The following DNAH5 variants were observed in gnomAD, a reference collection of about 807,000 sequenced individuals.
DNAH5 encodes axonemal beta dynein heavy chain 5.
In DNAH5, 372 loss-of-function variants were observed where a neutral mutation model predicts 518.2. That is an observed-to-expected ratio of 0.72 (90% CI 0.66 to 0.78). DNAH5 has a LOEUF of 0.78. Among genes scored for constraint, DNAH5 ranks in the 30% least tolerant of loss-of-function variants. The pLI, the probability that DNAH5 is intolerant of heterozygous loss-of-function variation, is 0.00. For missense variants in DNAH5, 5,523 were observed against 5,687.0 expected (o/e 0.97, Z 0.93); for synonymous variants, 2,039 against 2,025.9 (o/e 1.01, Z -0.17).
intron 67 of DNAH5, 114 bp from the exon 68 acceptor site, chr5:13,735,435 A>C: frequency 9.8e-7 from 1 of 1,016,272 alleles, no homozygotes; most frequent in East Asian, 2.6e-5. Flanking sequence ...TCTTATTTTT[A>C]CACATCAAGA....
intron 31 of DNAH5, among the ~76,000 whole-genome samples, chr5:13,849,615 GT>G (rs1156277395): frequency 6.6e-6 from 1 of 152,066 alleles, no homozygotes; most frequent in Non-Finnish European, 1.5e-5. Context: ...TCCATTTGTA[GT>G]TTTTCTCTGC....
At chr5:13,854,835 T>C (rs1473586703) in intron 30 of DNAH5, among the ~76,000 whole-genome samples, 1 of 152,220 alleles carries the variant, frequency 6.6e-6, no homozygotes. Context: ...TAAATGTATA[T>C]GCACCCGAAA....
intron 24 of DNAH5, among the ~76,000 whole-genome samples, chr5:13,870,317 C>G (rs1416677118): frequency 1.3e-5 from 2 of 152,180 alleles, no homozygotes; most frequent in Non-Finnish European, 1.5e-5. Context: ...AGATTTTTCT[C>G]AGCTGAATGT....
intron 52 of DNAH5, among the ~76,000 whole-genome samples, chr5:13,783,950 C>T (rs1306482138): frequency 6.6e-6 from 1 of 152,150 alleles, no homozygotes; most frequent in African/African-American, 2.4e-5. Flanking sequence ...GATTCTTCAG[C>T]CAATTCCAGA....
chr5:13,940,845 C>T (rs1411645937), intron 1 of DNAH5, among the ~76,000 whole-genome samples: 1 of 152,186 alleles, frequency 6.6e-6, no homozygotes, highest in Non-Finnish European at 1.5e-5. Context: ...ATAGAAAGAA[C>T]AAGTTCAGCT....
At chr5:13,821,433 CAATCTTTATAATAACATGATGGA>C (rs1009035549) in intron 40 of DNAH5, among the ~76,000 whole-genome samples, 4 of 152,114 alleles carry the variant, frequency 2.6e-5, no homozygotes, top group Non-Finnish European at 4.4e-5. Flanking sequence ...ATTCTAAGAT[CAATCTTTATAATAACATGATGGA>C]AATCTTTATA....
At chr5:13,838,082 A>T (rs1035833103) in intron 35 of DNAH5, among the ~76,000 whole-genome samples, 1 of 152,200 alleles carries the variant, frequency 6.6e-6, no homozygotes, top group Non-Finnish European at 1.5e-5. Context: ...ATGTTATGTT[A>T]TATGAATACA....
chr5:13,844,961 C>T lies in DNAH5; in HGVS notation c.5147G>A (p.Arg1716Gln). 8.7e-6 allele frequency: 14 copies of T among 1,614,004 alleles called. No homozygotes were observed. Among genetic ancestry groups the T allele is most frequent in the Non-Finnish European group, 1.2e-5 (14 of 1,179,968 alleles). ...GGCAGGATCTGAGACGAAGAAAAAC[C>T]GAGGAAAGCACAGTCGTTTTTTCTC... Reference protein sequence around the residue: ...YLEKKRLCFPRFFFVSDPALL... With the variant: ...YLEKKRLCFPQFFFVSDPALL... The change falls in exon 32 of 79, where the codon CGG becomes CAG. Residue 1716 changes from arginine to glutamine, a missense_variant. By Grantham distance (43) the Arg-to-Gln change is conservative (BLOSUM62 1). This residue lies in a region of DNAH5 where 5,121 missense variants were observed against 5,223.3 expected (regional missense o/e 0.98). Coordinates refer to ENST00000265104, the MANE Select transcript of DNAH5 (RefSeq NM_001369.3).
chr5:13,839,516 T>C lies in DNAH5; in HGVS notation c.5722A>G (p.Ile1908Val), dbSNP rs1764873017. 1.9e-6 allele frequency: 3 copies of C among 1,613,666 alleles called. No homozygotes were observed. Among genetic ancestry groups the C allele is most frequent in the African/African-American group, 1.3e-5 (1 of 74,924 alleles). ...CACTCAAAGTCCATGGGACTCTTGA[T>C]ATGCATATGACACTGAAATTCAAAA... is the stretch of plus-strand genomic sequence containing the variant. ...DIFDDLCHMH[I>V]KSPMDFEWLK... Residue 1908 changes from isoleucine (I) to valine (V), a missense_variant, in exon 35 of 79, where the codon ATC becomes GTC. Ile to Val is a conservative substitution (Grantham distance 29, BLOSUM62 3). Around this residue, in one of 3 missense-constraint regions of DNAH5, gnomAD observed 5,121 missense variants for 5,223.3 expected, o/e 0.98. Coordinates refer to ENST00000265104, the MANE Select transcript of DNAH5 (RefSeq NM_001369.3).
At position 13,721,269 on chromosome 5, in the gene DNAH5, A is replaced by G. The variant is rs17203442; in HGVS notation, c.12034-24T>C. On this transcript the variant is annotated intron_variant, in intron 70 of 78. Coordinates refer to ENST00000265104, the MANE Select transcript of DNAH5 (RefSeq NM_001369.3). ...GCCTGCCAAAAACAGTATACAAGTC[A>G]GTAAAAGTCATTCCAACTCTTTCAT... The G allele has an allele frequency of 0.13, 210,485 of 1,613,384 alleles. 15,659 individuals carry two copies. Among genetic ancestry groups the G allele is most frequent in the Non-Finnish European group, 0.15 (175,302 of 1,179,410 alleles).
chr5:13,873,584 G>T (rs1174718849), intron 22 of DNAH5, among the ~76,000 whole-genome samples: 1 of 151,852 alleles, frequency 6.6e-6, no homozygotes, highest in Non-Finnish European at 1.5e-5. Flanking sequence ...TTTTAGATTA[G>T]CCTCTTGGAT....
chr5:13,864,746 T>C, intron 27 of DNAH5, 109 bp from the exon 28 acceptor site: 3 of 1,227,590 alleles, frequency 2.4e-6, no homozygotes, highest in Admixed American at 3.5e-5. Context: ...TGAATACTTA[T>C]CCTATTTTAA....
chr5:13,778,574 GAAAGAAAGAAAGAAAGAAAGAA>G (rs1561234226), intron 53 of DNAH5, among the ~76,000 whole-genome samples: 13 of 73,072 alleles, frequency 1.8e-4, no homozygotes, highest in African/African-American at 6.3e-4. Context: ...AAGAAAGAAA[GAAAGAAAGAAAGAAAGAAAGAA>G]AGAGAGAGAG....
Position 13,721,000 on chromosome 5 carries a change from G to A in DNAH5, c.12279C>T (p.Asn4093=), listed in dbSNP as rs572468560. Residue 4093 remains asparagine, a splice_region_variant and synonymous_variant, in exon 71 of 79, where the codon AAC becomes AAT. Coordinates refer to ENST00000265104, the MANE Select transcript of DNAH5 (RefSeq NM_001369.3). ...ARKLLQQTMA[N]GGWALLQNCH... ...ACAAAAGTAGACTATTCAGCCTTACGTTCGCCATGGTCTGCTGCAAGAGCT... is the reference window on the plus strand; with the variant it reads ...ACAAAAGTAGACTATTCAGCCTTACATTCGCCATGGTCTGCTGCAAGAGCT... The A allele has an allele frequency of 1.6e-5, 26 of 1,613,998 alleles. No homozygotes were observed. The highest frequency in any genetic ancestry group is 8.9e-5 in the East Asian group (4 of 44,866).
chr5:13,841,282 C>T (rs776126694), intron 33 of DNAH5, 152 bp from the exon 34 acceptor site: 2 of 680,676 alleles, frequency 2.9e-6, no homozygotes, highest in Non-Finnish European at 5.0e-6. Context: ...TATGGAAATT[C>T]TATTTCTTAT....
rs556616232 is a variant in DNAH5, at chr5:13,695,567, G to A, written c.13724-3432C>T. The stretch of plus-strand genomic sequence containing the variant: ...TCCCAGAGGTTTGCATATACCTCAT[G>A]ACAAACAAATGTGATTCTCATACCA... On this transcript the variant is annotated intron_variant, in intron 78 of 78. Coordinates refer to ENST00000265104, the MANE Select transcript of DNAH5 (RefSeq NM_001369.3). Among the ~76,000 whole-genome samples, 10 of 152,286 alleles carry A rather than the reference G, an allele frequency of 6.6e-5. No individual in the cohort carries two copies. In the East Asian group the frequency reaches 9.6e-4, roughly 15 times the overall value.
chr5:13,809,103 G>T lies in DNAH5; in HGVS notation c.7693C>A (p.Pro2565Thr). ...TCAGTCCTCACATTGTCAACATTTG[G>T]CACCAGAATAGAACCATACTCTGGG... ...TTPEYGSILV[P>T]NVDNVRTDFL... Residue 2565 changes from proline (P) to threonine (T), a missense_variant, in exon 46 of 79, where the codon CCA becomes ACA. Around this residue, in one of 3 missense-constraint regions of DNAH5, gnomAD observed 5,121 missense variants for 5,223.3 expected, o/e 0.98. Coordinates refer to ENST00000265104, the MANE Select transcript of DNAH5 (RefSeq NM_001369.3). The T allele has an allele frequency of 6.2e-7, 1 of 1,614,156 alleles. No individual in the cohort carries two copies. The highest frequency in any genetic ancestry group is 8.5e-7 in the Non-Finnish European group (1 of 1,180,016).
intron 65 of DNAH5, among the ~76,000 whole-genome samples, chr5:13,746,893 TA>T (rs1749420196): frequency 6.6e-6 from 1 of 152,098 alleles, no homozygotes; most frequent in Non-Finnish European, 1.5e-5. Context: ...TTTTTTAATA[TA>T]TATTTTTATT....
At position 13,937,224 on chromosome 5, in the gene DNAH5, A is replaced by G. The variant is rs116328943; in HGVS notation, c.58-5980T>C. On this transcript the variant is annotated intron_variant, in intron 1 of 78. Transcript: ENST00000265104. ...TTGCATAACTTCAAACTGATATTCC[A>G]TAAGCACTTTTTAAAAAATATGCGC... is the stretch of plus-strand genomic sequence containing the variant. Among the ~76,000 whole-genome samples the G allele has an allele frequency of 8.4e-3, 1,269 of 150,658 alleles. 19 individuals are homozygous for G. Among genetic ancestry groups the G allele is most frequent in the African/African-American group, 0.03 (1,221 of 40,828 alleles).
Sources: allele counts gnomAD v4.1 joint callset (sites outside exome capture counted in the v4.1 genomes callset), GRCh38; gene constraint gnomAD v4.1.1; regional missense constraint gnomAD v4.1.1; transcripts MANE v1.5; gene names NCBI Gene and HGNC (gene_info 2026-07-23, HGNC 2026-07-21).